Variants in MMRN1 observed in about 807,000 individuals in gnomAD.
The protein encoded by MMRN1 is multimerin-1.
In MMRN1, 94 loss-of-function variants were observed where a neutral mutation model predicts 100.7. The ratio of observed to expected loss-of-function variants is 0.93; its 90% confidence interval spans 0.79 to 1.11. The LOEUF is 1.11. Among genes scored for constraint, MMRN1 ranks in the 50% least tolerant of loss-of-function variants. MMRN1 has a pLI of 0.00. For synonymous variants in MMRN1, 575 were observed against 505.0 expected, an observed-to-expected ratio of 1.14 and a Z score of -1.86; for missense variants, 1,606 against 1,439.1, an observed-to-expected ratio of 1.12 and a Z score of -1.88.
rs1228979662 is a variant in MMRN1, at chr4:89,886,103, C to G, written c.-249+6501C>G. 2.1e-5 allele frequency among the ~76,000 whole-genome samples: 3 copies of G among 146,032 alleles called. No individual in the cohort carries two copies. In the East Asian group the frequency reaches 6.0e-4, roughly 29 times the overall value. On this transcript the variant is annotated intron_variant, in intron 1 of 8. Coordinates refer to the MMRN1 transcript ENST00000394980. ...GTGGGGTTTTGCCACATTTCCCATGCTGGTCTCAAACTCCTGAGCTCAGAC... is the reference window on the plus strand; with the variant it reads ...GTGGGGTTTTGCCACATTTCCCATGGTGGTCTCAAACTCCTGAGCTCAGAC...
intron 3 of MMRN1, among the ~76,000 whole-genome samples, chr4:89,917,663 A>G (rs776587271): frequency 2.6e-5 from 4 of 151,932 alleles, no homozygotes; most frequent in African/African-American, 4.8e-5. Flanking sequence ...CATGGATGAT[A>G]CCAGCTAAAT....
intron 5 of MMRN1, among the ~76,000 whole-genome samples, chr4:89,928,440 T>C (rs1722335307): frequency 6.6e-6 from 1 of 152,116 alleles, no homozygotes; most frequent in South Asian, 2.1e-4. Flanking sequence ...CCTAAAACAT[T>C]CCAGCTATTA....
chr4:89,952,362 A>G (rs1276295364), intron 7 of MMRN1, among the ~76,000 whole-genome samples: 1 of 151,840 alleles, frequency 6.6e-6, no homozygotes, highest in Non-Finnish European at 1.5e-5. Context: ...CAGCATAAAA[A>G]TGTGTTATTT....
At chr4:89,917,295 A>G (rs1394797436) in intron 3 of MMRN1, among the ~76,000 whole-genome samples, 2 of 151,886 alleles carry the variant, frequency 1.3e-5, no homozygotes, top group Non-Finnish European at 2.9e-5. Context: ...ACATGTCACT[A>G]TTTATAATAA....
intron 4 of MMRN1, among the ~76,000 whole-genome samples, chr4:89,925,508 A>G (rs1258718751): frequency 1.4e-5 from 2 of 147,664 alleles, no homozygotes; most frequent in Non-Finnish European, 3.0e-5. Context: ...TTTAATATAT[A>G]TATATATATT....
intron 5 of MMRN1, among the ~76,000 whole-genome samples, chr4:89,934,306 A>G (rs1235483895): frequency 6.6e-6 from 1 of 152,082 alleles, no homozygotes; most frequent in African/African-American, 2.4e-5. Context: ...ATTTTTCCTC[A>G]TTTGAGAATA....
At chr4:89,903,547 G>A (rs953594812) in intron 1 of MMRN1, among the ~76,000 whole-genome samples, 1 of 151,440 alleles carries the variant, frequency 6.6e-6, no homozygotes, top group African/African-American at 2.4e-5. Flanking sequence ...AAAATATTGA[G>A]GCCATATTAT....
At chr4:89,906,949 A>G (rs573026823) in intron 1 of MMRN1, among the ~76,000 whole-genome samples, 13 of 151,516 alleles carry the variant, frequency 8.6e-5, no homozygotes, top group African/African-American at 2.7e-4. Context: ...GAGAATGAAT[A>G]TACTTTTTTT....
At chr4:89,952,411 TTAA>T (rs1175980436) in intron 7 of MMRN1, among the ~76,000 whole-genome samples, 2 of 152,210 alleles carry the variant, frequency 1.3e-5, no homozygotes, top group African/African-American at 4.8e-5. Context: ...CAGCTTTTTC[TTAA>T]TAATATCCTG....
chr4:89,891,945 A>G (rs1721064665), upstream of MMRN1, among the ~76,000 whole-genome samples: 1 of 152,028 alleles, frequency 6.6e-6, no homozygotes. Flanking sequence ...TTTGAATAGT[A>G]CACAGCACCA....
upstream of MMRN1, among the ~76,000 whole-genome samples, chr4:89,892,373 A>G (rs1425930911): frequency 1.3e-5 from 2 of 151,468 alleles, no homozygotes; most frequent in African/African-American, 4.8e-5. Flanking sequence ...GTATTTTAGT[A>G]TCTAGTATCT....
chr4:89,935,075 T>A lies in MMRN1; in HGVS notation c.1395T>A (p.Asn465Lys), dbSNP rs138127460. The A allele has an allele frequency of 6.2e-7, 1 of 1,613,770 alleles. No homozygotes were observed. The highest frequency in any genetic ancestry group is 1.1e-5 in the South Asian group (1 of 91,068). Reference sequence around the variant, plus strand: ...TGGAACTAAGGAATCACATTGTGAATGTAAGGCAAGAAATGACTCTTACAT... The same window carrying A: ...TGGAACTAAGGAATCACATTGTGAAAGTAAGGCAAGAAATGACTCTTACAT... ...DIVELRNHIV[N>K]VRQEMTLTCE... The change falls in exon 6 of 8, where the codon AAT becomes AAA. Residue 465 changes from asparagine (N) to lysine (K), a missense_variant. Physicochemically the swap from Asn to Lys is moderately conservative, Grantham distance 94 (BLOSUM62 0). Transcript: ENST00000264790.
intron 6 of MMRN1, among the ~76,000 whole-genome samples, chr4:89,941,968 A>T (rs1419723470): frequency 6.6e-6 from 1 of 152,172 alleles, no homozygotes; most frequent in Non-Finnish European, 1.5e-5. Context: ...AAGAATGATG[A>T]CAGCTAAAGA....
At chr4:89,880,082 C>T (rs1720786829) in intron 1 of MMRN1, among the ~76,000 whole-genome samples, 1 of 152,152 alleles carries the variant, frequency 6.6e-6, no homozygotes, top group African/African-American at 2.4e-5. Flanking sequence ...CTTTTGAAGT[C>T]AAACTCTGGT....
chr4:89,915,061 C>A (rs1721869250), intron 3 of MMRN1, among the ~76,000 whole-genome samples: 1 of 151,506 alleles, frequency 6.6e-6, no homozygotes, highest in Non-Finnish European at 1.5e-5. Context: ...CTGGCCCCTA[C>A]CATATGTTAT....
chr4:89,886,647 A>G (rs1299377538), intron 1 of MMRN1, among the ~76,000 whole-genome samples: 1 of 152,070 alleles, frequency 6.6e-6, no homozygotes, highest in African/African-American at 2.4e-5. Context: ...TCTGACTATG[A>G]TATTAGATTT....
At chr4:89,900,878 G>T (rs1324994022) in intron 1 of MMRN1, among the ~76,000 whole-genome samples, 1 of 152,072 alleles carries the variant, frequency 6.6e-6, no homozygotes, top group African/African-American at 2.4e-5. Flanking sequence ...TGAACTGATA[G>T]TGGTGGATGC....
chr4:89,921,443 TA>T (rs1385543646), intron 3 of MMRN1, among the ~76,000 whole-genome samples: 1 of 152,174 alleles, frequency 6.6e-6, no homozygotes, highest in Admixed American at 6.6e-5. Context: ...GCTGCCAGAA[TA>T]AAATGCCTTA....
Position 89,934,908 on chromosome 4 carries a change from T to C in MMRN1, c.1228T>C (p.Phe410Leu), listed in dbSNP as rs1722554346. The C allele has an allele frequency of 6.2e-7, 1 of 1,613,086 alleles. No individual in the cohort carries two copies. Among genetic ancestry groups the C allele is most frequent in the Non-Finnish European group, 8.5e-7 (1 of 1,179,534 alleles). ...CATGCAAGAGACTGTAGCACAGCTC[T>C]TCAAGACTGTATCAAGTCTATCAGA... ...NDMQETVAQLFKTVSSLSEDL... is the reference protein window; with the variant it reads ...NDMQETVAQLLKTVSSLSEDL... The change falls in exon 6 of 8, where the codon TTC becomes CTC. Residue 410 changes from phenylalanine (F) to leucine (L), a missense_variant. By Grantham distance (22) the Phe-to-Leu change is conservative. Coordinates refer to ENST00000264790, the MANE Select transcript of MMRN1 (RefSeq NM_007351.3).
Sources: gnomAD v4.1 joint callset for allele counts (sites outside exome capture counted in the v4.1 genomes callset) on GRCh38, gnomAD v4.1.1 for gene constraint, MANE v1.5 for transcripts, NCBI Gene and HGNC (gene_info 2026-07-23, HGNC 2026-07-21) for gene names.